Variants in C19orf47 observed in about 807,000 individuals in gnomAD.
The protein encoded by C19orf47 is uncharacterized protein C19orf47.
A neutral mutation model predicts 32.3 loss-of-function variants in C19orf47; 18 were observed. That is an observed-to-expected ratio of 0.56 (90% CI 0.39 to 0.83). C19orf47 has a LOEUF of 0.83. Among genes scored for constraint, C19orf47 ranks in the 40% least tolerant of loss-of-function variants. The pLI, the probability that C19orf47 is intolerant of heterozygous loss-of-function variation, is 0.00. For missense variants in C19orf47, 484 were observed against 531.6 expected (o/e 0.91, Z 0.88); for synonymous variants, 202 against 211.1 (o/e 0.96, Z 0.37).
the C19orf47 span, among the ~76,000 whole-genome samples, chr19:40,310,113 A>C: frequency 6.6e-6 from 1 of 152,234 alleles, no homozygotes; most frequent in African/African-American, 2.4e-5. Flanking sequence ...AAGTATAAAC[A>C]ACCCAAATGT....
chr19:40,330,314 T>C (rs981848927), intron 5 of C19orf47, among the ~76,000 whole-genome samples: 5 of 151,624 alleles, frequency 3.3e-5, no homozygotes, highest in East Asian at 1.9e-4. Flanking sequence ...CTGCAAGCTC[T>C]GCCTCCCAGG....
At chr19:40,330,260 G>C (rs1054864314) in intron 5 of C19orf47, among the ~76,000 whole-genome samples, 2 of 145,852 alleles carry the variant, frequency 1.4e-5, no homozygotes, top group Non-Finnish European at 3.0e-5. Flanking sequence ...ACAGAGTCTC[G>C]CTCTGTCGCC....
the C19orf47 span, among the ~76,000 whole-genome samples, chr19:40,310,867 G>A: frequency 6.6e-6 from 1 of 152,110 alleles, no homozygotes; most frequent in Non-Finnish European, 1.5e-5. Context: ...AAGCAGAATT[G>A]TTATTTTTAA....
intron 7 of C19orf47, among the ~76,000 whole-genome samples, chr19:40,325,187 T>G (rs983381393): frequency 6.6e-6 from 1 of 150,450 alleles, no homozygotes; most frequent in East Asian, 2.0e-4. Flanking sequence ...GGAGAATCAC[T>G]TGAACTCAGG....
Position 40,336,371 on chromosome 19 carries a change from C to T in C19orf47, c.56G>A (p.Gly19Asp). 6.2e-7 allele frequency: 1 copy of T among 1,614,122 alleles called. No individual in the cohort carries two copies. Among genetic ancestry groups the T allele is most frequent in the South Asian group, 1.1e-5 (1 of 91,076 alleles). The change falls in exon 3 of 9, where the codon GGC becomes GAC. Residue 19 changes from glycine (G) to aspartate (D), a missense_variant. Physicochemically the swap from Gly to Asp is moderately conservative, Grantham distance 94. Transcript: ENST00000683109. Reference protein sequence around the residue: ...SEWIQFFKEAGIPPGPAVNYA... With the variant: ...SEWIQFFKEADIPPGPAVNYA... ...ATTGACGGCAGGTCCTGGAGGAATG[C>T]CGGCTTCCTTAAAGAACTGGATCCA...
Position 40,321,587 on chromosome 19 carries a change from C to T in C19orf47, c.*295G>A. 8.5e-7 allele frequency: 1 copy of T among 1,179,056 alleles called. No individual in the cohort carries two copies. Among genetic ancestry groups the T allele is most frequent in the Non-Finnish European group, 1.1e-6 (1 of 950,796 alleles). The allele number at this position is 1,179,056 out of a possible 1,614,324, so 73.0% of individuals were successfully genotyped here. A position where few individuals can be genotyped will look rare whatever the true frequency, so the allele number is the denominator to read the frequency against. Reference sequence around the variant, plus strand: ...AGGGGAATGTAGGAGAGGAAGAAGCCCCCTGGCACTTGGGAGAGGTAGAAA... The same window carrying T: ...AGGGGAATGTAGGAGAGGAAGAAGCTCCCTGGCACTTGGGAGAGGTAGAAA... On this transcript the variant is annotated 3_prime_UTR_variant, in exon 9 of 9. Transcript: ENST00000683109.
the C19orf47 span, among the ~76,000 whole-genome samples, chr19:40,293,715 CG>C: frequency 6.6e-6 from 1 of 152,012 alleles, no homozygotes; most frequent in Non-Finnish European, 1.5e-5. Flanking sequence ...CTGCCTGCCT[CG>C]GCCTCCCAAA....
At chr19:40,336,010 G>T in intron 4 of C19orf47, 100 bp downstream of exon 4, 2 of 1,014,356 alleles carry the variant, frequency 2.0e-6, no homozygotes, top group Non-Finnish European at 1.5e-6. Context: ...CTGGAACCTG[G>T]GTCGGCCTGC....
the C19orf47 span, among the ~76,000 whole-genome samples, chr19:40,295,607 T>C: frequency 6.6e-5 from 10 of 151,822 alleles, no homozygotes; most frequent in African/African-American, 2.4e-4. Context: ...GGATAATTTT[T>C]GTATTTTTAG....
chr19:40,300,166 T>C, the C19orf47 span, among the ~76,000 whole-genome samples: 1 of 151,996 alleles, frequency 6.6e-6, no homozygotes, highest in East Asian at 1.9e-4. Context: ...TAAAAAACAT[T>C]TTTTTAAATA....
In C19orf47 at chr19:40,333,906, C is replaced by A; in HGVS notation, c.246G>T (p.Glu82Asp). The A allele has an allele frequency of 6.3e-7, 1 of 1,576,460 alleles. No homozygotes were observed. The highest frequency in any genetic ancestry group is 1.2e-5 in the South Asian group (1 of 86,090). ...GGGGGCTAGGGCTGCAGGGTACTGACTCAGTGGCAGCTTTGCACATGTCCT... is the reference window on the plus strand; with the variant it reads ...GGGGGCTAGGGCTGCAGGGTACTGAATCAGTGGCAGCTTTGCACATGTCCT... ...HRQDMCKAAT[E>D]SVPCSPSPLA... The change falls in exon 5 of 9, where the codon GAG (glutamate) becomes GAT (aspartate). Residue 82 changes from glutamate to aspartate, a missense_variant. By Grantham distance (45) the Glu-to-Asp change is conservative (BLOSUM62 2). This residue lies in a region of C19orf47 where 376 missense variants were observed against 370.2 expected (regional missense o/e 1.02). Coordinates refer to ENST00000683109, the MANE Select transcript of C19orf47 (RefSeq NM_001256441.2).
At position 40,324,064 on chromosome 19, in the gene C19orf47, G is replaced by A. The variant is rs766693508; in HGVS notation, c.605C>T (p.Thr202Met). 2.0e-5 allele frequency: 33 copies of A among 1,614,260 alleles called. No individual in the cohort carries two copies. Among genetic ancestry groups the A allele is most frequent in the African/African-American group, 9.3e-5 (7 of 75,064 alleles). ...GGCGCCGAGGCGGTCAAACACAGAC[G>A]TCCTATGGAGACCTGGGAGGGAAGT... ...QQQAAKGLHR[T>M]SVFDRLGAET... is the part of the protein sequence containing the mutation. Residue 202 changes from threonine to methionine, a missense_variant, in exon 8 of 9, where the codon ACG (threonine) becomes ATG (methionine). Thr to Met is a moderately conservative substitution (Grantham distance 81). Transcript: ENST00000683109.
chr19:40,334,587 A>C (rs2078020862), intron 4 of C19orf47, among the ~76,000 whole-genome samples: 1 of 151,978 alleles, frequency 6.6e-6, no homozygotes, highest in East Asian at 1.9e-4. Context: ...ATCTCTACTA[A>C]AATTATAAAA....
At chr19:40,338,308 C>A (rs2078108757) in intron 2 of C19orf47, among the ~76,000 whole-genome samples, 1 of 148,268 alleles carries the variant, frequency 6.7e-6, no homozygotes, top group African/African-American at 2.5e-5. Flanking sequence ...TATATATACA[C>A]ATATATATAC....
intron 1 of C19orf47, among the ~76,000 whole-genome samples, chr19:40,345,536 TAAA>T (rs55954294): frequency 0.1 from 11,184 of 110,698 alleles, 629 homozygotes; most frequent in African/African-American, 0.18. Context: ...CTGTCACTGT[TAAA>T]AAAAAAAAAA....
chr19:40,311,286 G>A, the C19orf47 span, among the ~76,000 whole-genome samples: 7 of 152,024 alleles, frequency 4.6e-5, no homozygotes, highest in Non-Finnish European at 1.0e-4. Flanking sequence ...GGCTGAGGCA[G>A]GAGAATCGCT....
the C19orf47 span, among the ~76,000 whole-genome samples, chr19:40,294,790 G>A: frequency 6.6e-6 from 1 of 152,348 alleles, no homozygotes; most frequent in Non-Finnish European, 1.5e-5. Context: ...CCACGATGCA[G>A]TGACAAGCGG....
chr19:40,330,227 CT>C (rs1046231188), intron 5 of C19orf47, among the ~76,000 whole-genome samples: 3 of 151,418 alleles, frequency 2.0e-5, no homozygotes, highest in Non-Finnish European at 4.4e-5. Context: ...CTTTCCCTTT[CT>C]TTTTTTTCTT....
intron 8 of C19orf47, among the ~76,000 whole-genome samples, chr19:40,323,516 T>C (rs1046686332): frequency 1.3e-5 from 2 of 152,170 alleles, no homozygotes; most frequent in Non-Finnish European, 2.9e-5. Context: ...CTGCAGGGCT[T>C]CCAGTGAGGG....
Sources: gnomAD v4.1 joint callset for allele counts (sites outside exome capture counted in the v4.1 genomes callset) on GRCh38, gnomAD v4.1.1 for gene constraint, gnomAD v4.1.1 regional missense constraint, MANE v1.5 for transcripts, NCBI Gene and HGNC (gene_info 2026-07-23, HGNC 2026-07-21) for gene names.